Variants in CALD1 observed in about 807,000 individuals in gnomAD.
CALD1 encodes caldesmon.
CALD1 carries 33 observed loss-of-function variants against 99.9 expected under a neutral mutation model. The observed-to-expected ratio is 0.33, with a 90% confidence interval of 0.25 to 0.44. The LOEUF (loss-of-function observed/expected upper bound fraction) is 0.44, where lower values mean the gene tolerates loss of function less well. Ranked by LOEUF, CALD1 falls within the 20% of genes least tolerant of loss-of-function variation. CALD1 has a pLI of 1.00. For missense variants in CALD1, 861 were observed against 962.1 expected (o/e 0.89, Z 1.39); for synonymous variants, 310 against 325.0 (o/e 0.95, Z 0.50).
intron 3 of CALD1, among the ~76,000 whole-genome samples, chr7:134,885,042 G>A (rs528655230): frequency 1.3e-5 from 2 of 151,960 alleles, no homozygotes; most frequent in South Asian, 2.1e-4. Flanking sequence ...AGGTTCAAGC[G>A]ATTCTCATGC....
chr7:134,942,396 G>A (rs11975285), intron 7 of CALD1, among the ~76,000 whole-genome samples: 49,716 of 152,012 alleles, frequency 0.33, 10,785 homozygotes, highest in African/African-American at 0.6. Context: ...TTTTTTGTAC[G>A]TAAATTTAAG....
At chr7:134,918,956 T>C (rs1027060632) in intron 3 of CALD1, among the ~76,000 whole-genome samples, 1 of 152,134 alleles carries the variant, frequency 6.6e-6, no homozygotes, top group African/African-American at 2.4e-5. Flanking sequence ...GCCAAGATTG[T>C]ATGAGTGCAC....
intron 2 of CALD1, among the ~76,000 whole-genome samples, chr7:134,848,097 GAA>G (rs566114460): frequency 7.0e-6 from 1 of 143,266 alleles, no homozygotes; most frequent in Non-Finnish European, 1.5e-5. Flanking sequence ...ACAGTCTGGG[GAA>G]AAAAAAAAAG....
intron 3 of CALD1, among the ~76,000 whole-genome samples, chr7:134,881,416 A>G (rs1384489884): frequency 6.6e-6 from 1 of 152,242 alleles, no homozygotes; most frequent in Non-Finnish European, 1.5e-5. Context: ...ATAAAAGAAA[A>G]GACACTGGAT....
Position 134,868,617 on chromosome 7 carries a change from G to A in CALD1, c.71+813G>A, listed in dbSNP as rs1027310461. Among the ~76,000 whole-genome samples the A allele has an allele frequency of 6.6e-5, 10 of 152,070 alleles. No homozygotes were observed. The East Asian group carries it at 1.7e-3, about 26-fold the overall frequency. ...CTCAGATGAAAAATGACACTTTAACGATACCACAGCACAAAACTGGAAACT... is the reference window on the plus strand; with the variant it reads ...CTCAGATGAAAAATGACACTTTAACAATACCACAGCACAAAACTGGAAACT... On this transcript the variant is annotated intron_variant, in intron 3 of 14. Coordinates refer to ENST00000361675, the MANE Select transcript of CALD1 (RefSeq NM_033138.4).
chr7:134,873,954 G>C lies in CALD1; in HGVS notation c.71+6150G>C, dbSNP rs142787656. 2.0e-5 allele frequency among the ~76,000 whole-genome samples: 3 copies of C among 152,146 alleles called. No individual in the cohort carries two copies. The East Asian group carries it at 5.8e-4, about 29-fold the overall frequency. ...GAAATAAAAAAATAAAAATATGAAA[G>C]GCTTGTGGATTGTTTTGCACATCAT... On this transcript the variant is annotated intron_variant, in intron 3 of 14. Coordinates refer to ENST00000361675, the MANE Select transcript of CALD1 (RefSeq NM_033138.4).
At chr7:134,819,504 G>A (rs777961335) in intron 1 of CALD1, among the ~76,000 whole-genome samples, 1 of 152,166 alleles carries the variant, frequency 6.6e-6, no homozygotes, top group Non-Finnish European at 1.5e-5. Context: ...CTAGCACACA[G>A]GAAATGCTTA....
chr7:134,939,130 CA>C (rs1335946004), intron 6 of CALD1, among the ~76,000 whole-genome samples: 6 of 152,142 alleles, frequency 3.9e-5, no homozygotes, highest in Non-Finnish European at 7.3e-5. Context: ...AACAATAGGC[CA>C]AAATGAGAAT....
At chr7:134,766,411 G>C (rs1280713349) in intron 1 of CALD1, among the ~76,000 whole-genome samples, 1 of 152,012 alleles carries the variant, frequency 6.6e-6, no homozygotes, top group African/African-American at 2.4e-5. Context: ...CTCCCAAAGT[G>C]CTGGGATTAC....
intron 1 of CALD1, among the ~76,000 whole-genome samples, chr7:134,827,286 G>T (rs1021847700): frequency 6.6e-6 from 1 of 152,154 alleles, no homozygotes; most frequent in Non-Finnish European, 1.5e-5. Flanking sequence ...ACAATGTCAG[G>T]AGCCAATGGG....
intron 1 of CALD1, among the ~76,000 whole-genome samples, chr7:134,807,311 T>C (rs935161180): frequency 1.3e-5 from 2 of 152,212 alleles, no homozygotes; most frequent in East Asian, 1.9e-4. Context: ...GACTGGTTTA[T>C]TGAGGAGTCT....
At chr7:134,845,351 G>A (rs1799808803) in intron 2 of CALD1, among the ~76,000 whole-genome samples, 1 of 152,192 alleles carries the variant, frequency 6.6e-6, no homozygotes, top group Non-Finnish European at 1.5e-5. Flanking sequence ...TTTGCTTTAA[G>A]ACTGTCTCCA....
intron 1 of CALD1, among the ~76,000 whole-genome samples, chr7:134,806,190 G>A (rs1041434415): frequency 2.0e-5 from 3 of 152,220 alleles, no homozygotes; most frequent in African/African-American, 7.2e-5. Flanking sequence ...CCTTTGGTAG[G>A]CCCTGTCAGT....
Position 134,965,346 on chromosome 7 carries a change from G to A in CALD1, c.2336G>A (p.Trp779Ter), listed in dbSNP as rs1019119508. The stretch of plus-strand genomic sequence containing the variant: ...GACGTATCCAGCAAGCGGAACCTCT[G>A]GGAAAAGCAATCTGTGGATAAGGTC... ...PGDVSSKRNL[W>*]EKQSVDKVTS... The change falls in exon 14 of 15, where the codon TGG becomes TAG. Residue 779 changes from tryptophan to a stop codon, truncating the protein, a stop_gained. Coordinates refer to ENST00000361675, the MANE Select transcript of CALD1 (RefSeq NM_033138.4). LOFTEE classifies it high-confidence loss of function. The A allele has an allele frequency of 6.3e-7, 1 of 1,595,082 alleles. No homozygotes were observed. Among genetic ancestry groups the A allele is most frequent in the Non-Finnish European group, 8.6e-7 (1 of 1,162,706 alleles).
the CALD1 span, among the ~76,000 whole-genome samples, chr7:134,738,158 T>C: frequency 6.6e-6 from 1 of 152,172 alleles, no homozygotes; most frequent in Non-Finnish European, 1.5e-5. Context: ...CTTTATCTCC[T>C]GTGGTCATTA....
intron 3 of CALD1, among the ~76,000 whole-genome samples, chr7:134,926,425 T>C (rs968101704): frequency 2.0e-5 from 3 of 152,324 alleles, no homozygotes; most frequent in Middle Eastern, 3.4e-3. Context: ...CCAGCCCATT[T>C]TATAGAATTA....
At chr7:134,786,797 G>C (rs577966856) in intron 1 of CALD1, among the ~76,000 whole-genome samples, 2 of 152,306 alleles carry the variant, frequency 1.3e-5, no homozygotes, top group Admixed American at 6.5e-5. Context: ...GATAGTAAGA[G>C]AGCATGTTTT....
the CALD1 span, among the ~76,000 whole-genome samples, chr7:134,711,548 G>A: frequency 6.6e-6 from 1 of 151,792 alleles, no homozygotes; most frequent in African/African-American, 2.4e-5. Flanking sequence ...CTGGTCTCCA[G>A]CCTGTCTGCC....
chr7:134,803,798 C>T (rs1426456583), intron 1 of CALD1, among the ~76,000 whole-genome samples: 6 of 151,184 alleles, frequency 4.0e-5, no homozygotes, highest in Non-Finnish European at 8.8e-5. Flanking sequence ...TGGGTTTAAG[C>T]GATTCTCCTG....
Sources: allele counts gnomAD v4.1 joint callset (sites outside exome capture counted in the v4.1 genomes callset), GRCh38; gene constraint gnomAD v4.1.1; transcripts MANE v1.5; gene names NCBI Gene and HGNC (gene_info 2026-07-23, HGNC 2026-07-21).